CDYL: variants seen among roughly 807,000 people sequenced by gnomAD.
CDYL encodes chromodomain Y like.
Under a neutral mutation model 47.3 loss-of-function variants are expected in CDYL, and 8 were observed. The ratio of observed to expected loss-of-function variants is 0.17; its 90% CI spans 0.10 to 0.31. The LOEUF (loss-of-function observed/expected upper bound fraction) is 0.31, where lower values mean the gene tolerates loss of function less well. Among genes scored for constraint, CDYL ranks in the 10% least tolerant of loss-of-function variants. The probability of loss-of-function intolerance (pLI) is 1.00; values close to 1 mark genes in which losing one functional copy is unlikely to be tolerated. For synonymous variants in CDYL, 266 were observed against 265.0 expected (o/e 1.00, Z -0.04); for missense variants, 471 against 701.4 (o/e 0.67, Z 3.71).
At chr6:4,709,913 A>G (rs141356699) in intron 1 of CDYL, among the ~76,000 whole-genome samples, 29 of 152,124 alleles carry the variant, frequency 1.9e-4, no homozygotes, top group African/African-American at 5.8e-4. Context: ...GATAGCTAGC[A>G]TTTTTTCCCC....
rs528786469 is a variant in CDYL at position 4,791,828 on chromosome 6, G to A, written c.24+15021G>A. ...ACAGTTATTTCATAAACACAGAATC[G>A]TATGCATGGTATTTAGTAGAAGATA... is the stretch of plus-strand genomic sequence containing the variant. On this transcript the variant is annotated intron_variant, in intron 1 of 6. Transcript: ENST00000397588. Among the ~76,000 whole-genome samples the A allele has an allele frequency of 2.4e-4, 36 of 151,942 alleles. 1 individual carries two copies. The East Asian group carries it at 4.4e-3, about 19-fold the overall frequency.
intron 2 of CDYL, among the ~76,000 whole-genome samples, chr6:4,898,609 G>A (rs182068795): frequency 4.6e-5 from 7 of 152,242 alleles, no homozygotes; most frequent in Admixed American, 3.9e-4. Flanking sequence ...GTATCCTCAG[G>A]CAGAATGATG....
chr6:4,758,351 A>AAAATATATATATATAT (rs1554134098), intron 3 of CDYL, among the ~76,000 whole-genome samples: 2 of 129,084 alleles, frequency 1.5e-5, no homozygotes, highest in African/African-American at 6.1e-5. Context: ...AAAATAAATA[A>AAAATATATATATATAT]ATATATATAT....
intron 1 of CDYL, among the ~76,000 whole-genome samples, chr6:4,712,694 T>C (rs1292535167): frequency 2.0e-5 from 3 of 152,194 alleles, no homozygotes; most frequent in Non-Finnish European, 4.4e-5. Context: ...ATTCGGACTG[T>C]TAGAACGAGA....
rs541167383 is a variant in CDYL, at chr6:4,937,471, G to A, written c.949-94G>A. On this transcript the variant is annotated intron_variant, in intron 3 of 6. Transcript: ENST00000397588. ...TGATTAAACCACTGCACGCCAACCT[G>A]AGCAACAGAGTGAGACTCTCTCCAA... is the stretch of plus-strand genomic sequence containing the variant. 4 of 1,015,330 alleles carry A rather than the reference G, an allele frequency of 3.9e-6. No homozygotes were observed. In the East Asian group the frequency reaches 1.2e-4, roughly 31 times the overall value. The allele number at this position is 1,015,330 out of a possible 1,614,324, so 62.9% of individuals were successfully genotyped here. A position where few individuals can be genotyped will look rare whatever the true frequency, so the allele number is the denominator to read the frequency against.
At chr6:4,804,614 A>G (rs530029087) in intron 1 of CDYL, among the ~76,000 whole-genome samples, 20 of 152,260 alleles carry the variant, frequency 1.3e-4, no homozygotes, top group Non-Finnish European at 2.8e-4. Flanking sequence ...ACTGCTGTAA[A>G]TAACAGAATG....
At chr6:4,784,270 G>A (rs1758695205) in intron 1 of CDYL, among the ~76,000 whole-genome samples, 2 of 152,242 alleles carry the variant, frequency 1.3e-5, no homozygotes, top group South Asian at 4.2e-4. Flanking sequence ...TTGGGTTGGG[G>A]GCAGTTACTG....
intron 1 of CDYL, among the ~76,000 whole-genome samples, chr6:4,850,684 G>GA (rs1030738977): frequency 6.6e-6 from 1 of 152,118 alleles, no homozygotes; most frequent in African/African-American, 2.4e-5. Context: ...TTTGATAATT[G>GA]AAAGCATATA....
At chr6:4,862,218 C>T (rs547449327) in intron 1 of CDYL, among the ~76,000 whole-genome samples, 10 of 152,278 alleles carry the variant, frequency 6.6e-5, no homozygotes, top group Non-Finnish European at 1.3e-4. Context: ...GCCCCTGATC[C>T]CCTGGCATAG....
intron 1 of CDYL, among the ~76,000 whole-genome samples, chr6:4,803,672 G>A (rs966190848): frequency 6.6e-6 from 1 of 150,890 alleles, no homozygotes; most frequent in African/African-American, 2.4e-5. Context: ...CTGTGTCCCT[G>A]TCCAGCATCA....
chr6:4,824,898 TCTCA>T (rs1409643039), intron 1 of CDYL, among the ~76,000 whole-genome samples: 2 of 151,856 alleles, frequency 1.3e-5, no homozygotes, highest in African/African-American at 4.8e-5. Flanking sequence ...TGAAACAGAG[TCTCA>T]CTCTGTTGCC....
intron 2 of CDYL, among the ~76,000 whole-genome samples, chr6:4,719,444 A>C (rs911334794): frequency 3.3e-5 from 5 of 150,106 alleles, no homozygotes; most frequent in Middle Eastern, 3.4e-3. Flanking sequence ...CTTCCCACTC[A>C]TCATGTGGTA....
chr6:4,722,832 G>T (rs573986586), intron 2 of CDYL, among the ~76,000 whole-genome samples: 1 of 152,144 alleles, frequency 6.6e-6, no homozygotes, highest in Admixed American at 6.6e-5. Flanking sequence ...AGCCAAGATC[G>T]TGCCACCGTA....
In CDYL at chr6:4,892,595, A is replaced by T. The variant is rs193130727; in HGVS notation, c.691+216A>T. On this transcript the variant is annotated intron_variant, in intron 2 of 6. Coordinates refer to ENST00000397588, the MANE Select transcript of CDYL (RefSeq NM_004824.4). ...TTTCTGTGTAATTCGCCATCCACAG[A>T]CTGTGCTACCACACTGACTTGCTTT... Among the ~76,000 whole-genome samples, 148 of 150,710 alleles carry T rather than the reference A, an allele frequency of 9.8e-4. 1 individual carries two copies. The highest frequency in any genetic ancestry group is 1.9e-3 in the South Asian group (9 of 4,824).
intron 2 of CDYL, among the ~76,000 whole-genome samples, chr6:4,896,900 T>A (rs9502249): frequency 0.024 from 3,644 of 152,310 alleles, 83 homozygotes; most frequent in East Asian, 0.089. Context: ...AAAGAATGAA[T>A]GTTTCTGGAG....
At chr6:4,784,567 G>A (rs894187028) in intron 1 of CDYL, among the ~76,000 whole-genome samples, 19 of 152,150 alleles carry the variant, frequency 1.2e-4, no homozygotes, top group South Asian at 4.1e-4. Context: ...TAGTTATAAC[G>A]CAATTGCTTC....
At chr6:4,862,153 A>G (rs985528587) in intron 1 of CDYL, among the ~76,000 whole-genome samples, 1 of 152,198 alleles carries the variant, frequency 6.6e-6, no homozygotes, top group East Asian at 1.9e-4. Context: ...GTCCTACGTA[A>G]ATAAACAAAA....
rs375189248 is a variant in CDYL at position 4,894,913 on chromosome 6, ATATATACACATATG to A, written c.691+2538_691+2551del. 8.6e-3 allele frequency among the ~76,000 whole-genome samples: 1,291 copies of A among 150,112 alleles called. 15 individuals are homozygous for A. Among genetic ancestry groups the A allele is most frequent in the African/African-American group, 0.028 (1,153 of 40,794 alleles). On this transcript the variant is annotated intron_variant, in intron 2 of 6. Coordinates refer to ENST00000397588, the MANE Select transcript of CDYL (RefSeq NM_004824.4). ...TGTATATATACACACGTACGTGTGT[ATATATACACATATG>A]TATGTGTGTATATGTGTATGCATGT...
chr6:4,855,568 A>C lies in CDYL; in HGVS notation c.25-36145A>C, dbSNP rs191501144. Among the ~76,000 whole-genome samples, 29 of 151,968 alleles carry C rather than the reference A, an allele frequency of 1.9e-4. No homozygotes were observed. The East Asian group carries it at 5.6e-3, about 29-fold the overall frequency. On this transcript the variant is annotated intron_variant, in intron 1 of 6. Coordinates refer to ENST00000397588, the MANE Select transcript of CDYL (RefSeq NM_004824.4). Reference sequence around the variant, plus strand: ...CACACATGCACCCACGATTTTTCACACAGTTTTTTTCCATTTGGTGGAAGG... The same window carrying C: ...CACACATGCACCCACGATTTTTCACCCAGTTTTTTTCCATTTGGTGGAAGG...
Sources: allele counts gnomAD v4.1 joint callset (sites outside exome capture counted in the v4.1 genomes callset), GRCh38; gene constraint gnomAD v4.1.1; transcripts MANE v1.5; gene names NCBI Gene and HGNC (gene_info 2026-07-23, HGNC 2026-07-21).